The following MTUS2 variants were observed in gnomAD, a reference collection of about 807,000 sequenced individuals.
The protein encoded by MTUS2 is microtubule-associated tumor suppressor candidate 2.
In MTUS2, 40 loss-of-function variants were observed where a neutral mutation model predicts 114.1. The observed-to-expected ratio is 0.35, with a 90% CI of 0.27 to 0.46. MTUS2 has a LOEUF of 0.46. MTUS2 is among the 20% of genes least tolerant of loss of function. MTUS2 has a pLI of 1.00. For missense variants in MTUS2, 1,679 were observed against 1,705.4 expected (o/e 0.98, Z 0.27); for synonymous variants, 688 against 672.0 (o/e 1.02, Z -0.37).
At chr13:29,194,809 A>G (rs76656569) in intron 5 of MTUS2, among the ~76,000 whole-genome samples, 18 of 151,872 alleles carry the variant, frequency 1.2e-4, no homozygotes, top group Non-Finnish European at 1.8e-4. Flanking sequence ...TGTTTATTGC[A>G]GCACTATTCA....
At chr13:29,116,064 A>G (rs1196837284) in intron 5 of MTUS2, among the ~76,000 whole-genome samples, 2 of 152,218 alleles carry the variant, frequency 1.3e-5, no homozygotes, top group African/African-American at 4.8e-5. Context: ...CCTGGAGCAT[A>G]CCGAGACATA....
chr13:29,064,390 G>GTT (rs59916653), intron 4 of MTUS2, among the ~76,000 whole-genome samples: 13 of 107,974 alleles, frequency 1.2e-4, no homozygotes, highest in African/African-American at 4.7e-4. Flanking sequence ...ACGTTTGGAG[G>GTT]TTTTTTTTTT....
intron 2 of MTUS2, among the ~76,000 whole-genome samples, chr13:28,909,373 T>C (rs1880257407): frequency 6.6e-6 from 1 of 152,052 alleles, no homozygotes; most frequent in Non-Finnish European, 1.5e-5. Flanking sequence ...CATTGAGCAG[T>C]GGTTTGTAGT....
chr13:29,266,482 G>T (rs1467586629), intron 5 of MTUS2, among the ~76,000 whole-genome samples: 2 of 152,106 alleles, frequency 1.3e-5, no homozygotes, highest in African/African-American at 4.8e-5. Flanking sequence ...CCCTCTCTTG[G>T]GGGAAAGAGT....
intron 8 of MTUS2, among the ~76,000 whole-genome samples, chr13:29,410,439 T>A (rs901285062): frequency 2.0e-5 from 3 of 152,188 alleles, no homozygotes; most frequent in Non-Finnish European, 4.4e-5. Context: ...TAGTTTTTAG[T>A]TGCAGCCAAG....
intron 6 of MTUS2, among the ~76,000 whole-genome samples, chr13:29,284,332 T>A (rs1898390475): frequency 6.6e-6 from 1 of 151,588 alleles, no homozygotes; most frequent in Non-Finnish European, 1.5e-5. Flanking sequence ...CTATGTTTTA[T>A]CTAAACAATA....
chr13:29,157,464 T>G (rs1223209763), intron 5 of MTUS2, among the ~76,000 whole-genome samples: 1 of 152,194 alleles, frequency 6.6e-6, no homozygotes, highest in Non-Finnish European at 1.5e-5. Flanking sequence ...TGATTCAGTT[T>G]AGCAAGTGGT....
At chr13:29,009,564 G>A (rs1033930226) in intron 2 of MTUS2, among the ~76,000 whole-genome samples, 1 of 151,630 alleles carries the variant, frequency 6.6e-6, no homozygotes, top group Non-Finnish European at 1.5e-5. Flanking sequence ...CTAGTGGCTC[G>A]GGGAGAATAG....
At chr13:29,220,493 C>T (rs181115772) in intron 5 of MTUS2, among the ~76,000 whole-genome samples, 2 of 152,262 alleles carry the variant, frequency 1.3e-5, no homozygotes, top group Admixed American at 6.5e-5. Context: ...ACTTAGAGCT[C>T]ATCGTAGGTT....
chr13:29,452,301 A>C (rs996316605), intron 9 of MTUS2, among the ~76,000 whole-genome samples: 1 of 152,290 alleles, frequency 6.6e-6, no homozygotes, highest in South Asian at 2.1e-4. Context: ...ATTCTTTTAC[A>C]TCTATATGCA....
In MTUS2 at chr13:28,989,175, TGGAGTGCTG is replaced by T. The variant is rs1236309695; in HGVS notation, c.-242-35277_-242-35269del. Among the ~76,000 whole-genome samples the T allele has an allele frequency of 2.6e-5, 4 of 152,276 alleles. No homozygotes were observed. The East Asian group carries it at 7.7e-4, about 29-fold the overall frequency. Reference sequence around the variant, plus strand: ...TGCTTTATAAAATTTGTGAAGCTAGTGGAGTGCTGGGAGCTGAGAATCTGTTGATATGTG... The same window carrying T: ...TGCTTTATAAAATTTGTGAAGCTAGTGGAGCTGAGAATCTGTTGATATGTG... On this transcript the variant is annotated intron_variant, in intron 2 of 15. Coordinates refer to ENST00000612955, the MANE Select transcript of MTUS2 (RefSeq NM_001033602.4).
chr13:29,176,606 T>C (rs558812079), intron 5 of MTUS2, among the ~76,000 whole-genome samples: 3 of 152,310 alleles, frequency 2.0e-5, no homozygotes, highest in African/African-American at 4.8e-5. Flanking sequence ...CCTCTAGCCA[T>C]ATCTTCAGAT....
chr13:29,079,990 T>C (rs1889369697), intron 4 of MTUS2, among the ~76,000 whole-genome samples: 1 of 152,218 alleles, frequency 6.6e-6, no homozygotes, highest in East Asian at 1.9e-4. Context: ...TTGGGGAGTA[T>C]TGCCATCTTA....
At chr13:29,158,272 T>C (rs1175798273) in intron 5 of MTUS2, among the ~76,000 whole-genome samples, 1 of 151,248 alleles carries the variant, frequency 6.6e-6, no homozygotes, top group East Asian at 1.9e-4. Context: ...TGAGTGACTT[T>C]CATGTACTTT....
chr13:29,317,434 T>C lies in MTUS2; in HGVS notation c.2807-7179T>C, dbSNP rs1367365849. ...TTGTGCGCGCGCTCTCTCTCTCTCT[T>C]TTTTTTTTTTTTTTTGAGACGGAGT... On this transcript the variant is annotated intron_variant, in intron 6 of 15. Transcript: ENST00000612955. 9.0e-4 allele frequency among the ~76,000 whole-genome samples: 41 copies of C among 45,578 alleles called. 4 individuals carry two copies. Among genetic ancestry groups the C allele is most frequent in the Middle Eastern group, 0.018 (2 of 110 alleles). 29.9% of individuals were successfully genotyped at this position (45,578 alleles called of 152,430 possible). A position where few individuals can be genotyped will look rare whatever the true frequency, so the allele number is the denominator to read the frequency against.
At chr13:28,997,739 C>T (rs1885181917) in intron 2 of MTUS2, among the ~76,000 whole-genome samples, 1 of 151,952 alleles carries the variant, frequency 6.6e-6, no homozygotes, top group South Asian at 2.1e-4. Flanking sequence ...TTTCCATTTG[C>T]TTGGTAGATC....
intron 8 of MTUS2, among the ~76,000 whole-genome samples, chr13:29,425,129 A>G (rs1312294574): frequency 1.3e-5 from 2 of 152,232 alleles, no homozygotes; most frequent in African/African-American, 4.8e-5. Context: ...AAATATTTTA[A>G]CAGACCAGGT....
chr13:29,157,777 G>GAT (rs943297388), intron 5 of MTUS2, among the ~76,000 whole-genome samples: 35 of 151,564 alleles, frequency 2.3e-4, no homozygotes, highest in Admixed American at 1.1e-3. Flanking sequence ...CCTAGGTTAG[G>GAT]ATATATATAT....
intron 1 of MTUS2, among the ~76,000 whole-genome samples, chr13:28,826,894 CTAAAAATT>C (rs1003297461): frequency 6.6e-6 from 1 of 152,168 alleles, no homozygotes; most frequent in Non-Finnish European, 1.5e-5. Context: ...GAGTACTAGT[CTAAAAATT>C]TAATATGAAC....
Sources: gnomAD v4.1 joint callset for allele counts (sites outside exome capture counted in the v4.1 genomes callset) on GRCh38, gnomAD v4.1.1 for gene constraint, MANE v1.5 for transcripts, NCBI Gene and HGNC (gene_info 2026-07-23, HGNC 2026-07-21) for gene names.